SLC18A1: variants seen among roughly 807,000 people sequenced by gnomAD.
SLC18A1 encodes the protein chromaffin granule amine transporter.
In SLC18A1, 69 loss-of-function variants were observed where a neutral mutation model predicts 53.7. The ratio of observed to expected loss-of-function variants is 1.28; its 90% CI spans 1.06 to 1.57. The LOEUF (loss-of-function observed/expected upper bound fraction) is 1.57, where lower values mean the gene tolerates loss of function less well. Ranked by LOEUF, SLC18A1 falls within the 40% of genes most tolerant of loss-of-function variation. The pLI is 0.00. For missense variants in SLC18A1, 932 were observed against 668.1 expected (o/e 1.40, Z -4.35); for synonymous variants, 320 against 248.1 (o/e 1.29, Z -2.72).
At chr8:20,163,388 A>G (rs1177181903) in intron 10 of SLC18A1, among the ~76,000 whole-genome samples, 1 of 152,178 alleles carries the variant, frequency 6.6e-6, no homozygotes, top group African/African-American at 2.4e-5. Flanking sequence ...TCAGAGGTCA[A>G]AGAGGTTAAA....
chr8:20,167,921 C>A (rs1480854642), intron 8 of SLC18A1, among the ~76,000 whole-genome samples: 1 of 151,930 alleles, frequency 6.6e-6, no homozygotes, highest in Non-Finnish European at 1.5e-5. Flanking sequence ...GTGCCCGGCC[C>A]CATAGTTTGG....
chr8:20,173,128 C>G lies in SLC18A1; in HGVS notation c.632G>C (p.Gly211Ala). The G allele has an allele frequency of 1.3e-6, 2 of 1,566,654 alleles. No individual in the cohort carries two copies. Among genetic ancestry groups the G allele is most frequent in the African/African-American group, 1.4e-5 (1 of 73,830 alleles). The change falls in exon 6 of 16, where the codon GGT (glycine) becomes GCT (alanine). Residue 211 changes from glycine (G) to alanine (A), a missense_variant and splice_region_variant. Gly to Ala is a moderately conservative substitution (Grantham distance 60, BLOSUM62 0). Transcript: ENST00000276373. ...GTAGACACTGGCCAGCATTCCAAGA[C>G]CTGCGCAGAGAGTTACAGATGCAGC... ...GIGSSFSSVA[G>A]LGMLASVYTD...
At chr8:20,152,659 G>C (rs1279666397) in intron 10 of SLC18A1, among the ~76,000 whole-genome samples, 6 of 152,202 alleles carry the variant, frequency 3.9e-5, no homozygotes, top group Non-Finnish European at 7.3e-5. Flanking sequence ...AAGCAGAGCT[G>C]TCAGGCAGTT....
At chr8:20,166,365 T>G (rs887983626) in intron 8 of SLC18A1, among the ~76,000 whole-genome samples, 1 of 142,668 alleles carries the variant, frequency 7.0e-6, no homozygotes, top group Non-Finnish European at 1.5e-5. Context: ...GGAAAGATTC[T>G]GTGAACTAGT....
intron 10 of SLC18A1, among the ~76,000 whole-genome samples, chr8:20,153,879 T>A (rs1585195176): frequency 6.6e-6 from 1 of 152,214 alleles, no homozygotes; most frequent in Admixed American, 6.5e-5. Context: ...TATTGCTTGA[T>A]ATTTGTCCTC....
intron 10 of SLC18A1, among the ~76,000 whole-genome samples, chr8:20,158,243 T>A (rs1205354216): frequency 6.6e-6 from 1 of 152,202 alleles, no homozygotes; most frequent in Non-Finnish European, 1.5e-5. Context: ...TCTGTCACTA[T>A]CTGAGAGGTC....
chr8:20,150,550 G>A, intron 11 of SLC18A1, 116 bp downstream of exon 11: 1 of 900,890 alleles, frequency 1.1e-6, no homozygotes. Context: ...TTTTATCGGT[G>A]TGTACTCATC....
At chr8:20,152,439 G>A (rs953473462) in intron 10 of SLC18A1, among the ~76,000 whole-genome samples, 4 of 152,176 alleles carry the variant, frequency 2.6e-5, no homozygotes, top group Non-Finnish European at 4.4e-5. Context: ...GTGGAGAGAA[G>A]TGAACAAAAT....
chr8:20,180,884 T>C lies in SLC18A1; in HGVS notation c.81A>G (p.Val27=). The change falls in exon 2 of 16, where the codon GTA becomes GTG. Residue 27 remains valine (V), a synonymous_variant. Coordinates refer to ENST00000276373, the MANE Select transcript of SLC18A1 (RefSeq NM_003053.4). ...RASRQLVLVV[V]FVALLLDNML... ...TGTTGTCCAGGAGCAAAGCGACGAA[T>C]ACCACCACCAGCACCAGCTGCCGGG... 1 of 1,613,956 alleles carries C rather than the reference T, an allele frequency of 6.2e-7. No individual in the cohort carries two copies. Among genetic ancestry groups the C allele is most frequent in the Non-Finnish European group, 8.5e-7 (1 of 1,179,944 alleles).
chr8:20,172,131 A>C (rs891036206), intron 6 of SLC18A1, among the ~76,000 whole-genome samples: 1 of 152,244 alleles, frequency 6.6e-6, no homozygotes, highest in African/African-American at 2.4e-5. Context: ...GAGGGAGTAC[A>C]CAAGAGGGAG....
intron 3 of SLC18A1, among the ~76,000 whole-genome samples, 191 bp from the exon 4 acceptor site, chr8:20,178,684 T>C (rs2072319121): frequency 6.6e-6 from 1 of 152,326 alleles, no homozygotes; most frequent in Non-Finnish European, 1.5e-5. Flanking sequence ...CATGCAGATA[T>C]GACCATAGAT....
chr8:20,180,451 A>G (rs996553933), intron 2 of SLC18A1, among the ~76,000 whole-genome samples: 2 of 152,192 alleles, frequency 1.3e-5, no homozygotes, highest in African/African-American at 4.8e-5. Context: ...CAAATAAAAT[A>G]TGCTGTTTTT....
chr8:20,154,445 G>C lies in SLC18A1; in HGVS notation c.1016-3701C>G, dbSNP rs115873987. 4.1e-3 allele frequency among the ~76,000 whole-genome samples: 617 copies of C among 152,288 alleles called. 6 individuals are homozygous for C. The highest frequency in any genetic ancestry group is 0.014 in the African/African-American group (588 of 41,558). On this transcript the variant is annotated intron_variant, in intron 10 of 15. Coordinates refer to ENST00000276373, the MANE Select transcript of SLC18A1 (RefSeq NM_003053.4). ...TCACTAGATGTTTGCAACAAACAAG[G>C]GTTCGGTGGTGTAATCTAACGACAT...
chr8:20,174,830 C>G (rs376673063), intron 4 of SLC18A1, among the ~76,000 whole-genome samples: 14 of 152,310 alleles, frequency 9.2e-5, no homozygotes, highest in African/African-American at 3.4e-4. Context: ...AAATCCAGAT[C>G]TGGTCTTTAC....
At chr8:20,171,681 AGTGTGT>A (rs111983026) in intron 6 of SLC18A1, among the ~76,000 whole-genome samples, 187 bp from the exon 7 acceptor site, 12 of 146,998 alleles carry the variant, frequency 8.2e-5, no homozygotes, top group Non-Finnish European at 1.5e-4. Context: ...TAGTGGAGGA[AGTGTGT>A]GTGTGTGTGT....
At chr8:20,148,483 C>T (rs1262034079) in intron 12 of SLC18A1, 12 of 1,288,646 alleles carry the variant, frequency 9.3e-6, no homozygotes, top group African/African-American at 1.5e-5. Context: ...ATGGACATCA[C>T]TGAAAGGTTT....
chr8:20,151,074 T>A (rs748395465), intron 10 of SLC18A1: 4 of 275,166 alleles, frequency 1.5e-5, no homozygotes, highest in Non-Finnish European at 2.1e-5. Flanking sequence ...TGGGATCAAG[T>A]GATCCTCCCA....
At chr8:20,164,378 G>A (rs1497022) in intron 10 of SLC18A1, among the ~76,000 whole-genome samples, 40,986 of 152,096 alleles carry the variant, frequency 0.27, 6,795 homozygotes, top group Non-Finnish European at 0.37. Flanking sequence ...GTAGTCTTGA[G>A]GATGAGGAGC....
chr8:20,148,666 C>T (rs2071468723), intron 12 of SLC18A1: 2 of 404,886 alleles, frequency 4.9e-6, no homozygotes, highest in Non-Finnish European at 9.7e-6. Context: ...ACCCCTTCTT[C>T]CCTCTTTTTC....
Sources: gnomAD v4.1 joint callset for allele counts (sites outside exome capture counted in the v4.1 genomes callset) on GRCh38, gnomAD v4.1.1 for gene constraint, MANE v1.5 for transcripts, NCBI Gene and HGNC (gene_info 2026-07-23, HGNC 2026-07-21) for gene names.